MTUS2: variants seen among roughly 807,000 people sequenced by gnomAD.
MTUS2 encodes the protein microtubule associated scaffold protein 2.
MTUS2 carries 40 observed loss-of-function variants against 114.1 expected under a neutral mutation model. The observed-to-expected ratio is 0.35, with a 90% CI of 0.27 to 0.46. MTUS2 has a LOEUF of 0.46. Among genes scored for constraint, MTUS2 ranks in the 20% least tolerant of loss-of-function variants. MTUS2 has a pLI of 1.00. For synonymous variants in MTUS2, 688 were observed against 672.0 expected (o/e 1.02, Z -0.37); for missense variants, 1,679 against 1,705.4 (o/e 0.98, Z 0.27).
At chr13:29,097,221 C>G (rs896664717) in intron 4 of MTUS2, among the ~76,000 whole-genome samples, 37 of 152,168 alleles carry the variant, frequency 2.4e-4, no homozygotes, top group African/African-American at 8.4e-4. Flanking sequence ...TTTCACTGTT[C>G]TTACTGGATT....
intron 8 of MTUS2, among the ~76,000 whole-genome samples, chr13:29,439,488 A>G (rs974694280): frequency 6.6e-6 from 1 of 152,234 alleles, no homozygotes; most frequent in Admixed American, 6.5e-5. Flanking sequence ...GTTTCATGCT[A>G]AGCCTTCTGC....
At chr13:28,937,434 G>A (rs544388123) in intron 2 of MTUS2, among the ~76,000 whole-genome samples, 7 of 152,206 alleles carry the variant, frequency 4.6e-5, no homozygotes, top group South Asian at 2.1e-4. Context: ...GCGGCAACCC[G>A]CTGAGGTCCC....
chr13:29,074,637 T>C (rs893332781), intron 4 of MTUS2, among the ~76,000 whole-genome samples: 1 of 152,172 alleles, frequency 6.6e-6, no homozygotes, highest in African/African-American at 2.4e-5. Context: ...GCTTCTGTGC[T>C]CCTCTCAAGT....
intron 2 of MTUS2, among the ~76,000 whole-genome samples, chr13:28,933,201 T>C (rs983494933): frequency 4.0e-5 from 6 of 151,632 alleles, no homozygotes; most frequent in Non-Finnish European, 8.8e-5. Context: ...TTATCAGCAT[T>C]GGCCCACATG....
chr13:28,963,988 G>A (rs567645522), intron 2 of MTUS2, among the ~76,000 whole-genome samples: 11 of 152,142 alleles, frequency 7.2e-5, no homozygotes, highest in African/African-American at 1.9e-4. Flanking sequence ...TTCATCCTTC[G>A]TTTCTACTTT....
At chr13:28,956,288 A>G (rs1286629448) in intron 2 of MTUS2, among the ~76,000 whole-genome samples, 1 of 151,690 alleles carries the variant, frequency 6.6e-6, no homozygotes, top group African/African-American at 2.4e-5. Context: ...TTCAGTCCCC[A>G]CCCTCACCCT....
At chr13:29,185,077 A>T (rs1312959072) in intron 5 of MTUS2, among the ~76,000 whole-genome samples, 1 of 152,188 alleles carries the variant, frequency 6.6e-6, no homozygotes, top group Non-Finnish European at 1.5e-5. Context: ...AAAAGATACA[A>T]AAGTTTTTGT....
chr13:29,037,214 A>C (rs1179968515), intron 4 of MTUS2, among the ~76,000 whole-genome samples: 4 of 152,236 alleles, frequency 2.6e-5, no homozygotes, highest in African/African-American at 9.6e-5. Flanking sequence ...TGGTGGTGAC[A>C]CAATCTCTCA....
intron 6 of MTUS2, among the ~76,000 whole-genome samples, chr13:29,294,282 A>G (rs780467470): frequency 5.3e-5 from 8 of 152,060 alleles, no homozygotes; most frequent in Non-Finnish European, 7.4e-5. Flanking sequence ...CTGCTTTTAC[A>G]GTTAACGTTA....
At chr13:29,126,542 C>T (rs1194790075) in intron 5 of MTUS2, among the ~76,000 whole-genome samples, 3 of 152,212 alleles carry the variant, frequency 2.0e-5, no homozygotes, top group Admixed American at 6.5e-5. Flanking sequence ...AACCTGCAAC[C>T]TCCTGGCTCC....
intron 5 of MTUS2, among the ~76,000 whole-genome samples, chr13:29,266,793 A>G (rs1897683691): frequency 6.6e-6 from 1 of 152,188 alleles, no homozygotes. Context: ...ATTTGCAGCC[A>G]GTAATTTATC....
At chr13:29,228,050 C>T (rs1426642790) in intron 5 of MTUS2, among the ~76,000 whole-genome samples, 1 of 152,074 alleles carries the variant, frequency 6.6e-6, no homozygotes, top group Non-Finnish European at 1.5e-5. Context: ...TGCTTTTTCA[C>T]CCAGCAATCT....
intron 2 of MTUS2, among the ~76,000 whole-genome samples, chr13:28,868,605 G>C (rs1877438062): frequency 6.6e-6 from 1 of 152,090 alleles, no homozygotes; most frequent in Non-Finnish European, 1.5e-5. Context: ...AGATCTTCCT[G>C]GGAAAACTAC....
chr13:28,977,040 T>C (rs1360953492), intron 2 of MTUS2, among the ~76,000 whole-genome samples: 1 of 152,126 alleles, frequency 6.6e-6, no homozygotes, highest in Non-Finnish European at 1.5e-5. Flanking sequence ...TATGACCTCT[T>C]TTTATCAAAT....
intron 7 of MTUS2, among the ~76,000 whole-genome samples, chr13:29,332,633 CTTT>C (rs58161086): frequency 0.084 from 9,565 of 113,562 alleles, 1,077 homozygotes; most frequent in African/African-American, 0.27. Flanking sequence ...TTCTCTAATT[CTTT>C]TTTTTTTTTT....
chr13:29,171,817 G>C (rs11617704), intron 5 of MTUS2, among the ~76,000 whole-genome samples: 22,568 of 152,166 alleles, frequency 0.15, 1,861 homozygotes, highest in East Asian at 0.31. Flanking sequence ...TTGAAATCCA[G>C]TCATTATGTC....
chr13:29,083,623 A>G (rs974885185), intron 4 of MTUS2, among the ~76,000 whole-genome samples: 10 of 152,326 alleles, frequency 6.6e-5, no homozygotes, highest in African/African-American at 2.4e-4. Context: ...TTAAGGTTAC[A>G]TAATCCACTG....
At chr13:28,970,226 T>TTG (rs4002258) in intron 2 of MTUS2, among the ~76,000 whole-genome samples, 1 of 151,788 alleles carries the variant, frequency 6.6e-6, no homozygotes, top group African/African-American at 2.4e-5. Context: ...TTTGTCAATG[T>TTG]TTAGTATTAT....
chr13:29,217,657 A>G (rs999362684), intron 5 of MTUS2, among the ~76,000 whole-genome samples: 3 of 152,224 alleles, frequency 2.0e-5, no homozygotes, highest in Non-Finnish European at 4.4e-5. Flanking sequence ...GTTTTTTACA[A>G]TGACTGATTC....
Sources: allele counts gnomAD v4.1 joint callset (sites outside exome capture counted in the v4.1 genomes callset), GRCh38; gene constraint gnomAD v4.1.1; transcripts MANE v1.5; gene names NCBI Gene and HGNC (gene_info 2026-07-23, HGNC 2026-07-21).